The following TASP1 variants were observed in gnomAD, a reference collection of about 807,000 sequenced individuals.
TASP1 encodes taspase 1.
A neutral mutation model predicts 56.6 loss-of-function variants in TASP1; 16 were observed. The ratio of observed to expected loss-of-function variants is 0.28; its 90% confidence interval spans 0.19 to 0.43. The LOEUF (loss-of-function observed/expected upper bound fraction) is 0.43, where lower values mean the gene tolerates loss of function less well. Ranked by LOEUF, TASP1 falls within the 20% of genes least tolerant of loss-of-function variation. The probability of loss-of-function intolerance (pLI) is 1.00; values close to 1 mark genes in which losing one functional copy is unlikely to be tolerated. For missense variants in TASP1, 393 were observed against 511.6 expected (o/e 0.77, Z 2.24); for synonymous variants, 179 against 184.2 (o/e 0.97, Z 0.23).
chr20:13,196,480 G>T, the TASP1 span, among the ~76,000 whole-genome samples: 1 of 152,040 alleles, frequency 6.6e-6, no homozygotes, highest in East Asian at 1.9e-4. Context: ...TGCATGGCTG[G>T]CTCTTTCTCA....
intron 10 of TASP1, among the ~76,000 whole-genome samples, chr20:13,497,536 TATAAATAG>T (rs1279183609): frequency 2.0e-5 from 3 of 152,196 alleles, no homozygotes; most frequent in African/African-American, 4.8e-5. Context: ...ACAGCTGGTC[TATAAATAG>T]ATAAATAGAT....
At chr20:13,444,440 A>G (rs1317007069) in intron 11 of TASP1, among the ~76,000 whole-genome samples, 4 of 152,178 alleles carry the variant, frequency 2.6e-5, no homozygotes, top group Admixed American at 6.6e-5. Context: ...GGAGAAAAAT[A>G]AATATATTGA....
the TASP1 span, chr20:13,159,981 T>C: frequency 6.6e-7 from 1 of 1,523,488 alleles, no homozygotes; most frequent in Non-Finnish European, 8.9e-7. Context: ...TTTTTTTTTT[T>C]CTTTTTTTGC....
intron 11 of TASP1, among the ~76,000 whole-genome samples, chr20:13,442,027 A>G (rs2043230231): frequency 6.6e-6 from 1 of 151,808 alleles, no homozygotes; most frequent in Non-Finnish European, 1.5e-5. Flanking sequence ...ATCCTTCCCA[A>G]TCTTATCACC....
chr20:13,390,588 G>C, intron 13 of TASP1, 136 bp from the exon 14 acceptor site: 1 of 651,408 alleles, frequency 1.5e-6, no homozygotes, highest in Non-Finnish European at 2.7e-6. Flanking sequence ...TCCACAGACT[G>C]TACCACTGGT....
chr20:13,249,812 TTTGTTTTG>T, the TASP1 span, among the ~76,000 whole-genome samples: 7 of 151,970 alleles, frequency 4.6e-5, no homozygotes, highest in East Asian at 1.4e-3. Flanking sequence ...TTTGTTTTGT[TTTGTTTTG>T]TTTTGTTTTG....
chr20:13,136,365 G>A, the TASP1 span, among the ~76,000 whole-genome samples: 1 of 152,070 alleles, frequency 6.6e-6, no homozygotes, highest in Non-Finnish European at 1.5e-5. Flanking sequence ...GCGAGGCCAA[G>A]GCAGGTGGAT....
At chr20:13,358,233 T>C in the TASP1 span, among the ~76,000 whole-genome samples, 10 of 152,188 alleles carry the variant, frequency 6.6e-5, no homozygotes, top group East Asian at 1.9e-4. Context: ...TTCGCTGACT[T>C]TCTTTTCGGA....
the TASP1 span, among the ~76,000 whole-genome samples, chr20:13,361,041 A>AAATCT: frequency 6.6e-6 from 1 of 152,054 alleles, no homozygotes; most frequent in African/African-American, 2.4e-5. Context: ...TCCATCGTGG[A>AAATCT]AATCTATCCT....
intron 11 of TASP1, among the ~76,000 whole-genome samples, chr20:13,438,494 A>G (rs1266798621): frequency 6.6e-6 from 1 of 152,256 alleles, no homozygotes; most frequent in Admixed American, 6.5e-5. Flanking sequence ...TACCTTATAC[A>G]AAAATTAATT....
intron 8 of TASP1, among the ~76,000 whole-genome samples, chr20:13,548,206 A>G (rs181733809): frequency 3.2e-4 from 48 of 152,270 alleles, no homozygotes; most frequent in African/African-American, 9.9e-4. Flanking sequence ...TTAAGGGTTC[A>G]AGCAGGAGCA....
the TASP1 span, chr20:13,221,643 G>A: frequency 7.1e-6 from 5 of 702,010 alleles, no homozygotes; most frequent in East Asian, 2.4e-4. Context: ...GCGGGCCCGG[G>A]AAGCGGAGCC....
chr20:13,127,734 A>G, the TASP1 span, among the ~76,000 whole-genome samples: 2 of 152,188 alleles, frequency 1.3e-5, no homozygotes, highest in African/African-American at 2.4e-5. Context: ...TTGAAAGACA[A>G]GACTTTTTCT....
At chr20:13,157,542 C>T in the TASP1 span, among the ~76,000 whole-genome samples, 2 of 152,212 alleles carry the variant, frequency 1.3e-5, no homozygotes, top group East Asian at 1.9e-4. Flanking sequence ...TTTGAACACA[C>T]AGCACAACCT....
At chr20:13,384,698 C>T (rs533780959), downstream of TASP1, among the ~76,000 whole-genome samples, 1 of 152,308 alleles carries the variant, frequency 6.6e-6, no homozygotes, top group East Asian at 1.9e-4. Flanking sequence ...CATTCACTCC[C>T]CCTATAGCCC....
chr20:13,354,674 A>AG, the TASP1 span, among the ~76,000 whole-genome samples: 1 of 152,214 alleles, frequency 6.6e-6, no homozygotes. Context: ...AGAAAAGTGA[A>AG]GGATGTGGAA....
the TASP1 span, among the ~76,000 whole-genome samples, chr20:13,176,967 C>T: frequency 3.3e-5 from 5 of 152,246 alleles, no homozygotes; most frequent in African/African-American, 9.6e-5. Context: ...GGGCTGGGCA[C>T]GATGGCTCAT....
At chr20:13,289,797 G>A in the TASP1 span, among the ~76,000 whole-genome samples, 1 of 152,244 alleles carries the variant, frequency 6.6e-6, no homozygotes, top group East Asian at 1.9e-4. Flanking sequence ...TAGTCTTACT[G>A]TGTATTTCCC....
At chr20:13,160,003 G>A in the TASP1 span, 1 of 1,597,870 alleles carries the variant, frequency 6.3e-7, no homozygotes. Context: ...TTTCCTTAAG[G>A]GCTTTTGCAA....
Sources: gnomAD v4.1 joint callset for allele counts (sites outside exome capture counted in the v4.1 genomes callset) on GRCh38, gnomAD v4.1.1 for gene constraint, MANE v1.5 for transcripts, NCBI Gene and HGNC (gene_info 2026-07-23, HGNC 2026-07-21) for gene names.